Variants in PCDH15 observed in about 807,000 individuals in gnomAD.
PCDH15 encodes protocadherin related 15.
PCDH15 carries 129 observed loss-of-function variants against 178.5 expected under a neutral mutation model. The observed-to-expected ratio is 0.72, with a 90% CI of 0.63 to 0.84. The LOEUF is 0.84. Among genes scored for constraint, PCDH15 ranks in the 40% least tolerant of loss-of-function variants. PCDH15 has a pLI of 0.00. For synonymous variants in PCDH15, 800 were observed against 732.0 expected, an observed-to-expected ratio of 1.09 and a Z score of -1.50; for missense variants, 2,230 against 2,099.9, an observed-to-expected ratio of 1.06 and a Z score of -1.21.
At chr10:53,874,430 GTTTGCAGCCATTA>G (rs2080083466) in intron 26 of PCDH15, among the ~76,000 whole-genome samples, 1 of 152,104 alleles carries the variant, frequency 6.6e-6, no homozygotes, top group Admixed American at 6.6e-5. Flanking sequence ...CCTCATTTTA[GTTTGCAGCCATTA>G]TTTGCCGGCC....
intron 7 of PCDH15, among the ~76,000 whole-genome samples, chr10:54,324,793 T>C (rs2061835113): frequency 6.6e-6 from 1 of 151,916 alleles, no homozygotes; most frequent in Non-Finnish European, 1.5e-5. Context: ...ATAAAATAAG[T>C]AAATATAAAC....
At chr10:54,169,096 C>T (rs1160104898) in intron 13 of PCDH15, among the ~76,000 whole-genome samples, 3 of 152,136 alleles carry the variant, frequency 2.0e-5, no homozygotes, top group African/African-American at 7.2e-5. Flanking sequence ...TAAGCCGCGT[C>T]CCATCTGTGT....
chr10:54,939,238 T>C (rs1436772848), intron 2 of PCDH15, among the ~76,000 whole-genome samples: 1 of 151,856 alleles, frequency 6.6e-6, no homozygotes, highest in Non-Finnish European at 1.5e-5. Flanking sequence ...CTCACGCCCG[T>C]AATCCCAGTA....
intron 3 of PCDH15, among the ~76,000 whole-genome samples, chr10:54,410,788 G>A (rs1953375959): frequency 6.6e-6 from 1 of 152,068 alleles, no homozygotes; most frequent in South Asian, 2.1e-4. Context: ...GTAAATTTTA[G>A]TGAGGATTCT....
At chr10:54,766,583 T>C (rs570798937) in intron 1 of PCDH15, among the ~76,000 whole-genome samples, 2 of 151,494 alleles carry the variant, frequency 1.3e-5, no homozygotes, top group Non-Finnish European at 2.9e-5. Flanking sequence ...ATGTATCACA[T>C]AGTGATACAA....
At position 54,996,834 on chromosome 10, in the gene PCDH15, G is replaced by T. The variant is rs375773273; in HGVS notation, c.-79-99334C>A. On this transcript the variant is annotated intron_variant, in intron 2 of 5. Transcript: ENST00000458638. ...CTTTTAAAAATCAAACTGCTGGCTGGGCGCGGTGGCTCACACCTGTAATCC... is the reference window on the plus strand; with the variant it reads ...CTTTTAAAAATCAAACTGCTGGCTGTGCGCGGTGGCTCACACCTGTAATCC... 3.9e-5 allele frequency among the ~76,000 whole-genome samples: 6 copies of T among 152,180 alleles called. No individual in the cohort carries two copies. The East Asian group carries it at 9.7e-4, about 25-fold the overall frequency.
intron 3 of PCDH15, among the ~76,000 whole-genome samples, chr10:54,471,589 G>A (rs1294182819): frequency 6.6e-6 from 1 of 151,396 alleles, no homozygotes; most frequent in Non-Finnish European, 1.5e-5. Context: ...CATATAGTAG[G>A]CATTTAAAAA....
chr10:54,013,192 A>G (rs1029556723), intron 20 of PCDH15, among the ~76,000 whole-genome samples: 9 of 152,212 alleles, frequency 5.9e-5, no homozygotes, highest in African/African-American at 1.9e-4. Context: ...AAAGGATACA[A>G]TGCAATAAGA....
intron 2 of PCDH15, among the ~76,000 whole-genome samples, chr10:54,589,903 T>C (rs2091769067): frequency 6.6e-6 from 1 of 152,074 alleles, no homozygotes; most frequent in Admixed American, 6.6e-5. Flanking sequence ...GCCCGTTCAT[T>C]ACGTAAGAAT....
intron 3 of PCDH15, among the ~76,000 whole-genome samples, chr10:54,521,818 G>A (rs1018859578): frequency 6.6e-6 from 1 of 152,030 alleles, no homozygotes; most frequent in African/African-American, 2.4e-5. Flanking sequence ...GGCCGGGCGT[G>A]GTGGCTCATG....
chr10:54,283,408 G>T (rs1174956586), intron 8 of PCDH15, among the ~76,000 whole-genome samples: 1 of 152,262 alleles, frequency 6.6e-6, no homozygotes, highest in East Asian at 1.9e-4. Context: ...GCTAGGCTGT[G>T]TAGAAAATAC....
chr10:55,596,425 G>T (rs1291787277), intron 2 of PCDH15, among the ~76,000 whole-genome samples: 1 of 152,024 alleles, frequency 6.6e-6, no homozygotes, highest in Non-Finnish European at 1.5e-5. Flanking sequence ...TTCAAATAAT[G>T]AGTAAAGTTT....
chr10:54,001,904 C>T (rs557230818), intron 20 of PCDH15, among the ~76,000 whole-genome samples: 3 of 151,386 alleles, frequency 2.0e-5, no homozygotes, highest in African/African-American at 7.3e-5. Context: ...TAATGGAAAC[C>T]AATAAACAGC....
In PCDH15 at chr10:54,329,663, T is replaced by C. The variant is rs747027494; in HGVS notation, c.638A>G (p.Asn213Ser). 1 of 1,609,286 alleles carries C rather than the reference T, an allele frequency of 6.2e-7. No individual in the cohort carries two copies. Among genetic ancestry groups the C allele is most frequent in the South Asian group, 1.1e-5 (1 of 90,992 alleles). Residue 213 changes from asparagine (N) to serine (S), a missense_variant, in exon 7 of 38, where the codon AAT (asparagine) becomes AGT (serine). Physicochemically the swap from Asn to Ser is conservative, Grantham distance 46. Coordinates refer to ENST00000644397, the MANE Select transcript of PCDH15 (RefSeq NM_001384140.1). Reference sequence around the variant, plus strand: ...GTTGAGCCTCTTCCTTAACACTATATTTCCAGTCAACATTAGGGGAATTTC... The same window carrying C: ...GTTGAGCCTCTTCCTTAACACTATACTTCCAGTCAACATTAGGGGAATTTC... ...TFEIPLMLTG[N>S]IVLRKRLNYE...
chr10:54,822,914 C>T (rs1953070847), intron 3 of PCDH15, among the ~76,000 whole-genome samples: 1 of 151,812 alleles, frequency 6.6e-6, no homozygotes, highest in African/African-American at 2.4e-5. Context: ...TGGATTCTTG[C>T]TATGTTGCCC....
At chr10:53,960,571 CTA>C (rs1276568250) in intron 22 of PCDH15, among the ~76,000 whole-genome samples, 6 of 152,090 alleles carry the variant, frequency 3.9e-5, no homozygotes, top group African/African-American at 7.2e-5. Context: ...CAAAGTAATT[CTA>C]TGTTTACTTT....
rs923303439 is a variant in PCDH15, at chr10:54,631,303, T to G, written c.91+32869A>C. ...CTAGAAGCTGAGTAGATGCTGGTGC[T>G]GTGCTTCCTGTACAGCCTGCAGAAC... is the stretch of plus-strand genomic sequence containing the variant. On this transcript the variant is annotated intron_variant, in intron 2 of 37. Transcript: ENST00000644397. Among the ~76,000 whole-genome samples, 6 of 152,332 alleles carry G rather than the reference T, an allele frequency of 3.9e-5. No individual in the cohort carries two copies. The East Asian group carries it at 9.6e-4, about 24-fold the overall frequency.
chr10:55,119,990 T>A (rs1238150704), intron 2 of PCDH15, among the ~76,000 whole-genome samples: 2 of 152,024 alleles, frequency 1.3e-5, no homozygotes, highest in Admixed American at 6.6e-5. Context: ...TTTTTTTTTT[T>A]AATTGCTCTG....
chr10:54,087,759 C>T (rs2094537643), intron 16 of PCDH15, among the ~76,000 whole-genome samples: 1 of 152,138 alleles, frequency 6.6e-6, no homozygotes, highest in Non-Finnish European at 1.5e-5. Context: ...TGTCCTTGCC[C>T]AAATCTCCTG....
Sources: gnomAD v4.1 joint callset for allele counts (sites outside exome capture counted in the v4.1 genomes callset) on GRCh38, gnomAD v4.1.1 for gene constraint, MANE v1.5 for transcripts, NCBI Gene and HGNC (gene_info 2026-07-23, HGNC 2026-07-21) for gene names.